EYS: variants seen among roughly 807,000 people sequenced by gnomAD.
EYS encodes the protein protein eyes shut homolog.
In EYS, 250 loss-of-function variants were observed where a neutral mutation model predicts 282.1. The ratio of observed to expected loss-of-function variants is 0.89; its 90% CI spans 0.80 to 0.98. The LOEUF (loss-of-function observed/expected upper bound fraction) is 0.98. EYS is among the 50% of genes least tolerant of loss of function. The pLI is 0.00. For missense variants in EYS, 4,016 were observed against 3,709.0 expected (o/e 1.08, Z -2.15); for synonymous variants, 1,355 against 1,282.9 (o/e 1.06, Z -1.20).
chr6:65,262,083 C>T (rs1767636980), intron 12 of EYS, among the ~76,000 whole-genome samples: 1 of 152,028 alleles, frequency 6.6e-6, no homozygotes. Flanking sequence ...TATCCCATCC[C>T]TAAATCTCTG....
chr6:63,898,415 C>T (rs544963941), intron 35 of EYS, among the ~76,000 whole-genome samples: 31 of 152,064 alleles, frequency 2.0e-4, no homozygotes, highest in African/African-American at 5.8e-4. Context: ...CTTTTGAACC[C>T]GGGAGGCGGA....
chr6:64,997,117 A>G (rs529174705), intron 14 of EYS, among the ~76,000 whole-genome samples: 1 of 152,308 alleles, frequency 6.6e-6, no homozygotes, highest in South Asian at 2.1e-4. Flanking sequence ...ATGAATATGT[A>G]CTGAAGGGAC....
intron 33 of EYS, among the ~76,000 whole-genome samples, chr6:64,011,233 T>C (rs1384432522): frequency 6.6e-6 from 1 of 152,218 alleles, no homozygotes; most frequent in African/African-American, 2.4e-5. Flanking sequence ...TCCTTTATTT[T>C]TTCTATCACT....
intron 33 of EYS, among the ~76,000 whole-genome samples, chr6:64,061,417 A>G (rs753625113): frequency 6.6e-6 from 1 of 152,194 alleles, no homozygotes; most frequent in Non-Finnish European, 1.5e-5. Context: ...GAAATGAAAG[A>G]CAAACTGTGC....
intron 19 of EYS, among the ~76,000 whole-genome samples, chr6:64,862,479 A>G (rs1766279978): frequency 1.3e-5 from 2 of 151,608 alleles, no homozygotes; most frequent in Admixed American, 1.3e-4. Flanking sequence ...TTTCCATTTG[A>G]CTCTTTCTTA....
chr6:65,259,072 A>C (rs1767547204), intron 12 of EYS, among the ~76,000 whole-genome samples: 1 of 152,044 alleles, frequency 6.6e-6, no homozygotes, highest in African/African-American at 2.4e-5. Flanking sequence ...AAATTTAAAT[A>C]TTTTCATAAA....
In EYS at chr6:65,039,951, A is replaced by C. The variant is rs535661297; in HGVS notation, c.2137+17663T>G. ...TCTGGATGGACTCTGAAATGTTTGC[A>C]CGATAGAATCTTGCAGAAGTGTTAC... On this transcript the variant is annotated intron_variant, in intron 13 of 42. Transcript: ENST00000503581. Among the ~76,000 whole-genome samples, 10 of 151,844 alleles carry C rather than the reference A, an allele frequency of 6.6e-5. No homozygotes were observed. In the South Asian group the frequency reaches 2.1e-3, roughly 31 times the overall value.
rs1183702749 is a variant in EYS at position 64,723,089 on chromosome 6, A to AAG, written c.3443+90288_3443+90289insCT. Among the ~76,000 whole-genome samples, 3 of 151,316 alleles carry AAG rather than the reference A, an allele frequency of 2.0e-5. No individual in the cohort carries two copies. The South Asian group carries it at 6.3e-4, about 32-fold the overall frequency. On this transcript the variant is annotated intron_variant, in intron 22 of 42. Transcript: ENST00000503581. ...GAAGGGGAAAGAAAGGCCCTAAGGA[A>AAG]AAAAAAAAAAGAAACTGGTTTAAGA...
chr6:63,877,160 C>T (rs1772996667), intron 35 of EYS, among the ~76,000 whole-genome samples: 2 of 152,132 alleles, frequency 1.3e-5, no homozygotes, highest in African/African-American at 2.4e-5. Flanking sequence ...TTAGGGCAGG[C>T]CTGGTGGTGA....
intron 2 of EYS, among the ~76,000 whole-genome samples, chr6:65,503,944 G>C (rs1449503829): frequency 6.6e-6 from 1 of 151,446 alleles, no homozygotes; most frequent in East Asian, 1.9e-4. Context: ...CTAGTTTTTT[G>C]CCTTACCATA....
chr6:63,865,155 G>A (rs1003209856), intron 35 of EYS, among the ~76,000 whole-genome samples: 1 of 152,194 alleles, frequency 6.6e-6, no homozygotes, highest in African/African-American at 2.4e-5. Context: ...GACACGCTAG[G>A]CCAACTGGCC....
intron 28 of EYS, among the ~76,000 whole-genome samples, chr6:64,390,427 C>G (rs374535314): frequency 1.3e-5 from 2 of 152,040 alleles, no homozygotes; most frequent in African/African-American, 2.4e-5. Flanking sequence ...CTGGAGATCT[C>G]AGAACGGGCA....
intron 39 of EYS, among the ~76,000 whole-genome samples, chr6:63,782,715 T>A (rs1271026173): frequency 1.3e-5 from 2 of 152,184 alleles, no homozygotes; most frequent in South Asian, 2.1e-4. Context: ...CTGGATTCAT[T>A]GATTTTTTGA....
At chr6:64,010,621 T>C (rs569771005) in intron 33 of EYS, among the ~76,000 whole-genome samples, 1 of 152,182 alleles carries the variant, frequency 6.6e-6, no homozygotes, top group Non-Finnish European at 1.5e-5. Flanking sequence ...GATATTGTAC[T>C]GTGCAGGCCC....
intron 22 of EYS, among the ~76,000 whole-genome samples, chr6:64,642,766 C>T (rs1768200859): frequency 6.6e-6 from 1 of 152,196 alleles, no homozygotes; most frequent in South Asian, 2.1e-4. Flanking sequence ...TCTCTAAAAC[C>T]CTTCTCTACA....
chr6:65,619,169 T>G (rs1227787818), intron 2 of EYS, among the ~76,000 whole-genome samples: 2 of 151,866 alleles, frequency 1.3e-5, no homozygotes, highest in Admixed American at 1.3e-4. Flanking sequence ...ACGATATTGA[T>G]TCTTCCTACC....
At chr6:63,724,218 A>G (rs1309540911) in intron 42 of EYS, among the ~76,000 whole-genome samples, 1 of 152,142 alleles carries the variant, frequency 6.6e-6, no homozygotes, top group Non-Finnish European at 1.5e-5. Context: ...TGCCCACTCA[A>G]CCATGGCTGA....
chr6:65,269,756 G>A (rs1767848539), intron 12 of EYS, among the ~76,000 whole-genome samples: 1 of 152,066 alleles, frequency 6.6e-6, no homozygotes, highest in African/African-American at 2.4e-5. Flanking sequence ...CACTTCTCGT[G>A]CATCTTCACA....
At chr6:65,660,407 G>A (rs558727887) in intron 1 of EYS, among the ~76,000 whole-genome samples, 2 of 151,862 alleles carry the variant, frequency 1.3e-5, no homozygotes, top group East Asian at 3.9e-4. Flanking sequence ...TGAGGGGACA[G>A]TTCCTCATGT....
Sources: gnomAD v4.1 joint callset for allele counts (sites outside exome capture counted in the v4.1 genomes callset) on GRCh38, gnomAD v4.1.1 for gene constraint, MANE v1.5 for transcripts, NCBI Gene and HGNC (gene_info 2026-07-23, HGNC 2026-07-21) for gene names.